PPP1R1C: variants seen among roughly 807,000 people sequenced by gnomAD.
The protein encoded by PPP1R1C is protein phosphatase 1 regulatory subunit 1C.
In PPP1R1C, 15 loss-of-function variants were observed where a neutral mutation model predicts 17.4. The observed-to-expected ratio is 0.86, with a 90% CI of 0.58 to 1.33. PPP1R1C has a LOEUF of 1.33. Among genes scored for constraint, PPP1R1C ranks in the 40% most tolerant of loss-of-function variants. The pLI is 0.00. For missense variants in PPP1R1C, 143 were observed against 130.0 expected (o/e 1.10, Z -0.48); for synonymous variants, 35 against 43.1 (o/e 0.81, Z 0.73).
intron 2 of PPP1R1C, among the ~76,000 whole-genome samples, chr2:182,049,332 C>CAAA (rs3064024): frequency 0.032 from 2,515 of 77,860 alleles, 56 homozygotes; most frequent in Middle Eastern, 0.068. Flanking sequence ...GATTCCATCT[C>CAAA]AAAAAAAAAA....
At chr2:182,033,536 T>G (rs1686908712) in intron 2 of PPP1R1C, among the ~76,000 whole-genome samples, 1 of 152,148 alleles carries the variant, frequency 6.6e-6, no homozygotes, top group Non-Finnish European at 1.5e-5. Context: ...AATAATCAAT[T>G]TTTGCCCATT....
chr2:181,997,340 C>G (rs1559050104), intron 2 of PPP1R1C, among the ~76,000 whole-genome samples: 1 of 151,742 alleles, frequency 6.6e-6, no homozygotes, highest in African/African-American at 2.4e-5. Context: ...AAAAAAAAGA[C>G]CCCACGTGGA....
At chr2:182,086,574 G>T (rs1249497082) in intron 4 of PPP1R1C, among the ~76,000 whole-genome samples, 1 of 152,052 alleles carries the variant, frequency 6.6e-6, no homozygotes, top group Non-Finnish European at 1.5e-5. Flanking sequence ...AAAAAAGCTG[G>T]ATTCATAATT....
At chr2:182,037,645 C>A (rs1362191432) in intron 2 of PPP1R1C, among the ~76,000 whole-genome samples, 1 of 151,740 alleles carries the variant, frequency 6.6e-6, no homozygotes, top group Non-Finnish European at 1.5e-5. Context: ...AATCAACAAG[C>A]TATTGATGGC....
intron 4 of PPP1R1C, among the ~76,000 whole-genome samples, chr2:182,091,238 C>T (rs139985718): frequency 6.6e-6 from 1 of 152,242 alleles, no homozygotes; most frequent in South Asian, 2.1e-4. Flanking sequence ...AATTATATCT[C>T]AGAAGCCAAG....
intron 2 of PPP1R1C, among the ~76,000 whole-genome samples, chr2:181,990,687 C>T (rs1165020468): frequency 1.3e-5 from 2 of 152,132 alleles, no homozygotes; most frequent in Non-Finnish European, 2.9e-5. Context: ...AATATTTCTG[C>T]GCGATCCAAC....
intron 2 of PPP1R1C, among the ~76,000 whole-genome samples, chr2:181,994,326 T>C (rs1315219578): frequency 6.6e-6 from 1 of 152,162 alleles, no homozygotes; most frequent in African/African-American, 2.4e-5. Context: ...GGATTGAGTA[T>C]AAAAATCTTT....
chr2:182,087,075 T>TC (rs981015232), intron 4 of PPP1R1C, among the ~76,000 whole-genome samples: 5 of 152,260 alleles, frequency 3.3e-5, no homozygotes, highest in African/African-American at 1.2e-4. Context: ...TCCCACTGGC[T>TC]CTACCCTCAA....
rs1013528269 is a variant in PPP1R1C, at chr2:181,961,833, GTTC to G, written n.111+7206_111+7208del. 5.2e-5 allele frequency: 53 copies of G among 1,016,180 alleles called. No individual in the cohort carries two copies. In the Admixed American group the frequency reaches 8.2e-4, roughly 16 times the overall value. 62.9% of individuals were successfully genotyped at this position (1,016,180 alleles called of 1,614,324 possible). ...GTAGGCCTTTTACTTCCTCTTCGTG[GTTC>G]TTCTTCATGAAGAGCAGCTCCTCCT... is the stretch of plus-strand genomic sequence containing the variant. On this transcript the variant is annotated intron_variant and non_coding_transcript_variant, in intron 1 of 5. Transcript: ENST00000464264. The surrounding 1 kb of genome is among the most constrained non-coding windows in gnomAD (Gnocchi z 5.8).
Position 181,957,814 on chromosome 2 carries a change from C to G in PPP1R1C, n.111+3180C>G, listed in dbSNP as rs1489098013. Among the ~76,000 whole-genome samples, 3 of 152,200 alleles carry G rather than the reference C, an allele frequency of 2.0e-5. No individual in the cohort carries two copies. Among genetic ancestry groups the G allele is most frequent in the African/African-American group, 7.2e-5 (3 of 41,434 alleles). On this transcript the variant is annotated intron_variant and non_coding_transcript_variant, in intron 1 of 5. Coordinates refer to the PPP1R1C transcript ENST00000464264. This position sits in a 1 kb window ranked among gnomAD's most constrained non-coding sequence, Gnocchi z 4.2. ...CAGCCAATGTTGATTCTTCTGGTGG[C>G]TGAGGGTCTTGTTGGATGACTGCAT...
At chr2:182,090,489 TA>T (rs895973085) in intron 4 of PPP1R1C, among the ~76,000 whole-genome samples, 9 of 152,108 alleles carry the variant, frequency 5.9e-5, no homozygotes, top group African/African-American at 2.2e-4. Flanking sequence ...TTATAACCGG[TA>T]AAAACCAGAC....
chr2:182,002,179 A>G (rs1464584256), intron 2 of PPP1R1C, among the ~76,000 whole-genome samples: 1 of 135,338 alleles, frequency 7.4e-6, no homozygotes, highest in African/African-American at 2.6e-5. Flanking sequence ...ACTACAACCC[A>G]CTTTCCATCA....
At chr2:181,999,980 G>T (rs1318190512) in intron 2 of PPP1R1C, among the ~76,000 whole-genome samples, 5 of 152,076 alleles carry the variant, frequency 3.3e-5, no homozygotes, top group African/African-American at 9.7e-5. Context: ...AAACATGACC[G>T]ATTTGTGCAC....
chr2:182,095,129 A>T (rs1242307778), intron 4 of PPP1R1C, among the ~76,000 whole-genome samples: 1 of 151,632 alleles, frequency 6.6e-6, no homozygotes, highest in Non-Finnish European at 1.5e-5. Context: ...TCTCTACTAA[A>T]AATACAAAAA....
chr2:181,984,222 T>C (rs1056317287), upstream of PPP1R1C, among the ~76,000 whole-genome samples: 1 of 152,176 alleles, frequency 6.6e-6, no homozygotes, highest in Non-Finnish European at 1.5e-5. Flanking sequence ...AATTGAGTAA[T>C]CTAAACCTCA....
chr2:182,030,980 G>T (rs1686812289), intron 2 of PPP1R1C: 1 of 153,598 alleles, frequency 6.5e-6, no homozygotes, highest in Non-Finnish European at 1.4e-5. Context: ...GATTTCCCAG[G>T]TGAGTCCGTC....
intron 2 of PPP1R1C, among the ~76,000 whole-genome samples, chr2:181,978,756 C>A (rs1378098071): frequency 1.3e-5 from 2 of 151,916 alleles, no homozygotes; most frequent in African/African-American, 4.8e-5. Flanking sequence ...TCACTTAGGC[C>A]AGCCGAGATT....
intron 4 of PPP1R1C, among the ~76,000 whole-genome samples, chr2:182,076,240 A>T (rs1413468298): frequency 7.6e-5 from 2 of 26,196 alleles, no homozygotes; most frequent in African/African-American, 2.9e-4. Flanking sequence ...TTTTTTTTTG[A>T]GACGGAGTCT....
intron 4 of PPP1R1C, among the ~76,000 whole-genome samples, chr2:182,108,212 AC>A (rs142798807): frequency 0.028 from 4,227 of 152,226 alleles, 101 homozygotes; most frequent in African/African-American, 0.057. Context: ...TTTCAAATAT[AC>A]CTCAATAAAA....
Sources: allele counts gnomAD v4.1 joint callset (sites outside exome capture counted in the v4.1 genomes callset), GRCh38; gene constraint gnomAD v4.1.1; non-coding constraint Gnocchi (gnomAD v3.1); transcripts MANE v1.5; gene names NCBI Gene and HGNC (gene_info 2026-07-23, HGNC 2026-07-21).